RAB5A: variants seen among roughly 807,000 people sequenced by gnomAD.
RAB5A encodes the protein ras-related protein Rab-5A.
RAB5A carries 8 observed loss-of-function variants against 25.7 expected under a neutral mutation model. That is an observed-to-expected ratio of 0.31 (90% CI 0.18 to 0.56). The LOEUF (loss-of-function observed/expected upper bound fraction) is 0.56. Among genes scored for constraint, RAB5A ranks in the 20% least tolerant of loss-of-function variants. The pLI, the probability that RAB5A is intolerant of heterozygous loss-of-function variation, is 0.91. For missense variants in RAB5A, 192 were observed against 259.7 expected (o/e 0.74, Z 1.79); for synonymous variants, 98 against 89.8 (o/e 1.09, Z -0.52).
rs112262657 is a variant in RAB5A at position 19,961,372 on chromosome 3, G to A, written c.163+10311G>A. Among the ~76,000 whole-genome samples, 879 of 152,232 alleles carry A rather than the reference G, an allele frequency of 5.8e-3. 6 individuals carry two copies. The highest frequency in any genetic ancestry group is 0.02 in the African/African-American group (838 of 41,530). ...GTTCTGGAATGTACTGTGTATGTGT[G>A]TATTTCTCCTTGCAAGAACCTATCA... On this transcript the variant is annotated intron_variant, in intron 2 of 5. Transcript: ENST00000273047.
At chr3:19,961,926 A>G (rs561655370) in intron 2 of RAB5A, among the ~76,000 whole-genome samples, 1 of 152,318 alleles carries the variant, frequency 6.6e-6, no homozygotes, top group South Asian at 2.1e-4. Context: ...GACTCCTCCA[A>G]AATGTAGAGA....
At chr3:19,961,128 T>G (rs1696578801) in intron 2 of RAB5A, among the ~76,000 whole-genome samples, 1 of 152,216 alleles carries the variant, frequency 6.6e-6, no homozygotes, top group East Asian at 1.9e-4. Context: ...AAAGGATAAT[T>G]TAAAGATAGG....
chr3:19,975,740 T>C lies in RAB5A; in HGVS notation c.303T>C (p.Asp101=). The part of the protein sequence containing the change: ...RGAQAAIVVY[D]ITNEESFARA... ...CACAAGCAGCCATAGTTGTATATGA[T>C]ATCACAAATGAGGTAAGTATGGATG... The change falls in exon 3 of 6, where the codon GAT becomes GAC. Residue 101 remains aspartate, a synonymous_variant. Coordinates refer to ENST00000273047, the MANE Select transcript of RAB5A (RefSeq NM_004162.5). 1 of 1,611,522 alleles carries C rather than the reference T, an allele frequency of 6.2e-7. No homozygotes were observed. Among genetic ancestry groups the C allele is most frequent in the Non-Finnish European group, 8.5e-7 (1 of 1,179,136 alleles).
chr3:19,951,211 C>T (rs915637697), intron 2 of RAB5A, 150 bp downstream of exon 2: 3 of 812,360 alleles, frequency 3.7e-6, no homozygotes, highest in Non-Finnish European at 5.4e-6. Context: ...TAAAACTTGC[C>T]TTTATCTTTG....
intron 5 of RAB5A, chr3:19,978,847 T>A (rs1696868331): frequency 6.6e-6 from 1 of 152,654 alleles, no homozygotes; most frequent in Non-Finnish European, 1.5e-5. Flanking sequence ...TATTTTAATG[T>A]AAACATTATA....
intron 4 of RAB5A, among the ~76,000 whole-genome samples, chr3:19,977,175 C>T (rs1461576035): frequency 1.3e-5 from 2 of 151,430 alleles, no homozygotes; most frequent in Non-Finnish European, 2.9e-5. Flanking sequence ...TGGGCTTACG[C>T]CATTCTGCTG....
intron 2 of RAB5A, among the ~76,000 whole-genome samples, chr3:19,953,191 A>G (rs1286335121): frequency 6.6e-6 from 1 of 152,178 alleles, no homozygotes; most frequent in African/African-American, 2.4e-5. Context: ...TTTTTTCCTA[A>G]TGATAGCTCA....
intron 2 of RAB5A, among the ~76,000 whole-genome samples, chr3:19,958,779 G>T (rs142521140): frequency 5.1e-4 from 77 of 152,170 alleles, no homozygotes; most frequent in African/African-American, 1.9e-3. Context: ...AGGTTGCAGT[G>T]AGCTGAGATC....
At position 19,983,804 on chromosome 3, in the gene RAB5A, A is replaced by G. The variant is rs761318666; in HGVS notation, c.629A>G (p.Asn210Ser). ...DLTEPTQPTR[N>S]QCCSN ...ACCGAACCCACACAACCAACCAGGA[A>G]TCAGTGTTGTAGTAACTAAACCTCT... Residue 210 changes from asparagine (N) to serine (S), a missense_variant, in exon 6 of 6, where the codon AAT (asparagine) becomes AGT (serine). Physicochemically the swap from Asn to Ser is conservative, Grantham distance 46. Coordinates refer to ENST00000273047, the MANE Select transcript of RAB5A (RefSeq NM_004162.5). 17 of 1,606,590 alleles carry G rather than the reference A, an allele frequency of 1.1e-5. No individual in the cohort carries two copies. The highest frequency in any genetic ancestry group is 1.4e-5 in the Non-Finnish European group (17 of 1,173,978).
intron 5 of RAB5A, chr3:19,978,983 C>CT (rs34631666): frequency 0.016 from 2,387 of 146,270 alleles, 47 homozygotes; most frequent in African/African-American, 0.042. Flanking sequence ...CTTTAAGGTA[C>CT]TTTTTTTTTT....
chr3:19,977,315 C>T (rs1696841236), intron 4 of RAB5A, among the ~76,000 whole-genome samples: 1 of 152,128 alleles, frequency 6.6e-6, no homozygotes, highest in African/African-American at 2.4e-5. Context: ...ACCTTGTGAT[C>T]CACCCGCCTC....
chr3:19,975,639 A>G lies in RAB5A; in HGVS notation c.202A>G (p.Thr68Ala). ...LTQTVCLDDT[T>A]VKFEIWDTAG... ...CCAAACTGTATGTCTTGATGACACTACAGTAAAGTTTGAAATATGGGATAC... is the reference window on the plus strand; with the variant it reads ...CCAAACTGTATGTCTTGATGACACTGCAGTAAAGTTTGAAATATGGGATAC... Residue 68 changes from threonine to alanine, a missense_variant, in exon 3 of 6, where the codon ACA becomes GCA. By Grantham distance (58) the Thr-to-Ala change is moderately conservative. This residue lies in a region of RAB5A where 39 missense variants were observed against 91.6 expected (regional missense o/e 0.43). Coordinates refer to ENST00000273047, the MANE Select transcript of RAB5A (RefSeq NM_004162.5). 6.2e-7 allele frequency: 1 copy of G among 1,614,058 alleles called. No homozygotes were observed. The highest frequency in any genetic ancestry group is 8.5e-7 in the Non-Finnish European group (1 of 1,179,970).
At chr3:19,982,926 T>C (rs901999452) in intron 5 of RAB5A, among the ~76,000 whole-genome samples, 1 of 152,180 alleles carries the variant, frequency 6.6e-6, no homozygotes, top group Non-Finnish European at 1.5e-5. Context: ...GGTATTTGTA[T>C]CCTGACTTGT....
intron 2 of RAB5A, among the ~76,000 whole-genome samples, chr3:19,974,279 C>T (rs981561192): frequency 1.3e-4 from 20 of 152,056 alleles, no homozygotes; most frequent in African/African-American, 4.3e-4. Context: ...CTCAGCCTCC[C>T]GAGTAACCGG....
intron 5 of RAB5A, among the ~76,000 whole-genome samples, chr3:19,980,371 G>T (rs1475800112): frequency 6.6e-6 from 1 of 151,812 alleles, no homozygotes; most frequent in African/African-American, 2.4e-5. Flanking sequence ...AAATCAGAAT[G>T]TTGCACTTCT....
At chr3:19,966,017 T>C (rs147336494) in intron 2 of RAB5A, among the ~76,000 whole-genome samples, 4,240 of 152,340 alleles carry the variant, frequency 0.028, 76 homozygotes, top group Non-Finnish European at 0.045. Flanking sequence ...TGTGAACCAC[T>C]GCGCCTTACC....
intron 4 of RAB5A, among the ~76,000 whole-genome samples, chr3:19,976,645 A>G (rs1202413636): frequency 6.6e-6 from 1 of 152,210 alleles, no homozygotes. Flanking sequence ...AGATCACACT[A>G]TTGCACTCCA....
chr3:19,976,624 G>A (rs926481104), intron 4 of RAB5A, among the ~76,000 whole-genome samples: 16 of 152,212 alleles, frequency 1.1e-4, no homozygotes, highest in African/African-American at 3.6e-4. Context: ...GGCGGAGGTT[G>A]TGGTGAGCCA....
intron 4 of RAB5A, among the ~76,000 whole-genome samples, 169 bp downstream of exon 4, chr3:19,976,338 A>G (rs1449711621): frequency 1.3e-5 from 2 of 152,232 alleles, no homozygotes; most frequent in Non-Finnish European, 2.9e-5. Context: ...TGATAAACCT[A>G]AATTTTTAAA....
Sources: allele counts gnomAD v4.1 joint callset (sites outside exome capture counted in the v4.1 genomes callset), GRCh38; gene constraint gnomAD v4.1.1; regional missense constraint gnomAD v4.1.1; transcripts MANE v1.5; gene names NCBI Gene and HGNC (gene_info 2026-07-23, HGNC 2026-07-21).